NMNAT2: variants seen among roughly 807,000 people sequenced by gnomAD.
NMNAT2 encodes nicotinamide/nicotinic acid mononucleotide adenylyltransferase 2.
In NMNAT2, 11 loss-of-function variants were observed where a neutral mutation model predicts 41.6. The ratio of observed to expected loss-of-function variants is 0.26; its 90% CI spans 0.17 to 0.44. NMNAT2 has a LOEUF of 0.44. Ranked by LOEUF, NMNAT2 falls within the 20% of genes least tolerant of loss-of-function variation. The pLI, the probability that NMNAT2 is intolerant of heterozygous loss-of-function variation, is 1.00. For missense variants in NMNAT2, 288 were observed against 407.7 expected, an observed-to-expected ratio of 0.71 and a Z score of 2.53; for synonymous variants, 148 against 151.2, an observed-to-expected ratio of 0.98 and a Z score of 0.16.
At chr1:183,328,143 C>G (rs1166431878) in intron 1 of NMNAT2, among the ~76,000 whole-genome samples, 1 of 152,106 alleles carries the variant, frequency 6.6e-6, no homozygotes, top group East Asian at 1.9e-4. Context: ...CAGCTGGACT[C>G]CAGCCACTCA....
At chr1:183,279,205 C>T (rs896013273) in intron 7 of NMNAT2, among the ~76,000 whole-genome samples, 6 of 152,208 alleles carry the variant, frequency 3.9e-5, no homozygotes, top group Non-Finnish European at 8.8e-5. Flanking sequence ...CCTCCCAGTG[C>T]CCATACTTTT....
rs1481371508 is a variant in NMNAT2 at position 183,250,966 on chromosome 1, A to T, written c.*1675T>A. On this transcript the variant is annotated 3_prime_UTR_variant, in exon 11 of 11. Transcript: ENST00000287713. ...GATAAAAGTATCCTAATACTCAGGG[A>T]CTATTTCTCAAAGACCAGAATCCCA... 6.6e-6 allele frequency: 1 copy of T among 152,218 alleles called. No homozygotes were observed. Among genetic ancestry groups the T allele is most frequent in the Non-Finnish European group, 1.5e-5 (1 of 68,038 alleles). 9.4% of individuals were successfully genotyped at this position (152,218 alleles called of 1,614,324 possible).
intron 1 of NMNAT2, among the ~76,000 whole-genome samples, chr1:183,354,982 C>G (rs1449453283): frequency 6.6e-6 from 1 of 152,222 alleles, no homozygotes; most frequent in Non-Finnish European, 1.5e-5. Context: ...TTCTGCTCAA[C>G]AAAGGCTCCT....
intron 1 of NMNAT2, among the ~76,000 whole-genome samples, chr1:183,359,993 T>C (rs1160725104): frequency 6.6e-6 from 1 of 152,198 alleles, no homozygotes; most frequent in Non-Finnish European, 1.5e-5. Context: ...CATTGGATTT[T>C]TGCTGGCTTT....
intron 1 of NMNAT2, among the ~76,000 whole-genome samples, chr1:183,355,939 T>C (rs912003220): frequency 1.3e-5 from 2 of 152,172 alleles, no homozygotes; most frequent in African/African-American, 2.4e-5. Context: ...GAGGATACAG[T>C]GAACTCAGCA....
intron 1 of NMNAT2, among the ~76,000 whole-genome samples, chr1:183,363,579 TACACACACACACACAC>T (rs146304060): frequency 6.8e-6 from 1 of 147,482 alleles, no homozygotes; most frequent in Non-Finnish European, 1.5e-5. Context: ...CACACACACA[TACACACACACACACAC>T]ACACACACAC....
At chr1:183,417,370 A>G (rs1250031736) in intron 1 of NMNAT2, among the ~76,000 whole-genome samples, 1 of 151,980 alleles carries the variant, frequency 6.6e-6, no homozygotes, top group African/African-American at 2.4e-5. Context: ...ACACACAGTC[A>G]TTCGCACATT....
Position 183,362,088 on chromosome 1 carries a change from G to T in NMNAT2, c.85+56095C>A, listed in dbSNP as rs191062443. Among the ~76,000 whole-genome samples the T allele has an allele frequency of 4.6e-5, 7 of 152,192 alleles. No homozygotes were observed. In the East Asian group the frequency reaches 1.2e-3, roughly 25 times the overall value. ...TGAGTAGCTGGGATTACAGGCACCT[G>T]CCACCACGCCTGGCTAATTTTTGTA... On this transcript the variant is annotated intron_variant, in intron 1 of 10. Transcript: ENST00000287713.
chr1:183,414,633 G>A (rs143017070), intron 1 of NMNAT2, among the ~76,000 whole-genome samples: 1 of 152,166 alleles, frequency 6.6e-6, no homozygotes, highest in Non-Finnish European at 1.5e-5. Flanking sequence ...TTTAGTTACA[G>A]TTGAGTATAC....
At chr1:183,389,852 GAGAAAGAAAGAAAGAAA>G (rs1648414390) in intron 1 of NMNAT2, among the ~76,000 whole-genome samples, 1 of 47,514 alleles carries the variant, frequency 2.1e-5, no homozygotes, top group Non-Finnish European at 4.5e-5. Context: ...AAGGAAAAAA[GAGAAAGAAAGAAAGAAA>G]GAAGGGAGGG....
chr1:183,358,177 CA>C (rs373389505), intron 1 of NMNAT2, among the ~76,000 whole-genome samples: 2 of 152,014 alleles, frequency 1.3e-5, no homozygotes, highest in African/African-American at 2.4e-5. Context: ...AACAGAAAAC[CA>C]AAAATCACCT....
At chr1:183,305,561 T>G (rs1661974706) in intron 1 of NMNAT2, among the ~76,000 whole-genome samples, 2 of 152,108 alleles carry the variant, frequency 1.3e-5, no homozygotes, top group South Asian at 4.1e-4. Context: ...GAGATAGCTG[T>G]TTTTCCTGGG....
chr1:183,321,863 G>C (rs1286015402), intron 1 of NMNAT2, among the ~76,000 whole-genome samples: 2 of 152,206 alleles, frequency 1.3e-5, no homozygotes, highest in African/African-American at 4.8e-5. Flanking sequence ...TTGTCACCCA[G>C]GCTGGAGTGC....
intron 1 of NMNAT2, among the ~76,000 whole-genome samples, chr1:183,404,099 A>AT (rs10655990): frequency 0.17 from 23,272 of 138,422 alleles, 2,306 homozygotes; most frequent in African/African-American, 0.26. Context: ...CAGAAATGTA[A>AT]TTTTTTTTTT....
chr1:183,331,759 G>A (rs146484907), intron 1 of NMNAT2, among the ~76,000 whole-genome samples: 1 of 151,762 alleles, frequency 6.6e-6, no homozygotes, highest in Non-Finnish European at 1.5e-5. Flanking sequence ...ATAGCCAGCC[G>A]CACGCCCCAC....
chr1:183,332,294 G>A (rs557455115), intron 1 of NMNAT2, among the ~76,000 whole-genome samples: 80 of 152,302 alleles, frequency 5.3e-4, no homozygotes, highest in African/African-American at 1.9e-3. Flanking sequence ...CTGCTCCTTT[G>A]TGTGTTCTCT....
intron 1 of NMNAT2, among the ~76,000 whole-genome samples, chr1:183,334,226 C>T (rs1376561514): frequency 2.0e-5 from 3 of 152,134 alleles, no homozygotes; most frequent in Non-Finnish European, 4.4e-5. Flanking sequence ...AACACCATGC[C>T]CGACTAACTG....
chr1:183,369,892 A>C (rs1371060850), intron 1 of NMNAT2, among the ~76,000 whole-genome samples: 1 of 152,032 alleles, frequency 6.6e-6, no homozygotes, highest in Non-Finnish European at 1.5e-5. Flanking sequence ...CCCATTGCAA[A>C]ATAGGAAACT....
intron 1 of NMNAT2, among the ~76,000 whole-genome samples, chr1:183,325,671 T>C (rs1261592149): frequency 6.6e-6 from 1 of 152,182 alleles, no homozygotes; most frequent in African/African-American, 2.4e-5. Context: ...AACAGATAAG[T>C]CTGTTTTTCC....
Sources: gnomAD v4.1 joint callset for allele counts (sites outside exome capture counted in the v4.1 genomes callset) on GRCh38, gnomAD v4.1.1 for gene constraint, MANE v1.5 for transcripts, NCBI Gene and HGNC (gene_info 2026-07-23, HGNC 2026-07-21) for gene names.